SHTN1: variants seen among roughly 807,000 people sequenced by gnomAD.
SHTN1 encodes shootin-1.
In SHTN1, 42 loss-of-function variants were observed where a neutral mutation model predicts 83.1. That is an observed-to-expected ratio of 0.51 (90% confidence interval 0.39 to 0.65). The LOEUF is 0.65. Among genes scored for constraint, SHTN1 ranks in the 30% least tolerant of loss-of-function variants. The pLI, the probability that SHTN1 is intolerant of heterozygous loss-of-function variation, is 0.00. For missense variants in SHTN1, 622 were observed against 737.8 expected (o/e 0.84, Z 1.82); for synonymous variants, 224 against 247.7 (o/e 0.90, Z 0.90).
chr10:116,928,263 GAATT>G (rs752371319), intron 10 of SHTN1, among the ~76,000 whole-genome samples: 48 of 152,282 alleles, frequency 3.2e-4, no homozygotes, highest in Non-Finnish European at 4.9e-4. Flanking sequence ...TACAGACCAA[GAATT>G]AATTTTAAAG....
chr10:117,037,895 AC>A, intron 2 of SHTN1, among the ~76,000 whole-genome samples: 3 of 83,898 alleles, frequency 3.6e-5, no homozygotes, highest in Non-Finnish European at 7.0e-5. Flanking sequence ...ATTCCCAGGT[AC>A]TTGGGGAGGT....
At chr10:116,967,536 T>A (rs1850439839) in intron 3 of SHTN1, among the ~76,000 whole-genome samples, 2 of 152,232 alleles carry the variant, frequency 1.3e-5, no homozygotes. Flanking sequence ...ATCACCACCA[T>A]CAAGGCTGCA....
intron 2 of SHTN1, among the ~76,000 whole-genome samples, chr10:117,046,374 C>G (rs1215830136): frequency 6.6e-6 from 1 of 151,954 alleles, no homozygotes. Flanking sequence ...AAACAGACAA[C>G]AAGAGTTGAG....
chr10:116,924,447 A>G (rs1011241964), intron 11 of SHTN1, among the ~76,000 whole-genome samples: 1 of 135,840 alleles, frequency 7.4e-6, no homozygotes, highest in African/African-American at 3.7e-5. Context: ...GTTTATTAGC[A>G]TAAACCACCT....
rs911462711 is a variant in SHTN1 at position 116,953,973 on chromosome 10, A to G, written c.436+69T>C. 3.2e-6 allele frequency: 4 copies of G among 1,258,422 alleles called. No homozygotes were observed. The African/African-American group carries it at 4.5e-5, about 14-fold the overall frequency. The allele number at this position is 1,258,422 out of a possible 1,614,324, so 78.0% of individuals were successfully genotyped here. On this transcript the variant is annotated intron_variant, in intron 5 of 16. Coordinates refer to ENST00000355371, the MANE Select transcript of SHTN1 (RefSeq NM_001127211.3). Reference sequence around the variant, plus strand: ...AGCTTCCCACATGATTCTGATGTGCAGTCAGGGTTCAGAAGCACTATCATA... The same window carrying G: ...AGCTTCCCACATGATTCTGATGTGCGGTCAGGGTTCAGAAGCACTATCATA...
chr10:117,024,248 T>C (rs538424605), intron 2 of SHTN1, among the ~76,000 whole-genome samples: 2 of 152,170 alleles, frequency 1.3e-5, no homozygotes, highest in East Asian at 1.9e-4. Context: ...GGTCAGGGAT[T>C]GACTGAAAAA....
intron 1 of SHTN1, among the ~76,000 whole-genome samples, chr10:117,100,376 T>C (rs181042547): frequency 6.6e-6 from 1 of 152,316 alleles, no homozygotes; most frequent in East Asian, 1.9e-4. Context: ...CAGAGACTTA[T>C]GGCCCACACA....
intron 1 of SHTN1, among the ~76,000 whole-genome samples, chr10:117,125,485 T>A (rs1430493706): frequency 6.6e-6 from 1 of 152,050 alleles, no homozygotes; most frequent in Non-Finnish European, 1.5e-5. Flanking sequence ...TCGGCACCCA[T>A]CTCATCTTGT....
At chr10:117,051,471 T>C (rs1301075578) in intron 1 of SHTN1, among the ~76,000 whole-genome samples, 1 of 152,098 alleles carries the variant, frequency 6.6e-6, no homozygotes, top group East Asian at 1.9e-4. Flanking sequence ...GAAAAGAAAC[T>C]GCAGACCAAT....
intron 9 of SHTN1, among the ~76,000 whole-genome samples, chr10:116,931,041 G>T (rs1169874633): frequency 1.4e-5 from 2 of 147,816 alleles, no homozygotes; most frequent in South Asian, 4.2e-4. Context: ...TTAAACATGG[G>T]TCACTTTTGT....
intron 1 of SHTN1, among the ~76,000 whole-genome samples, chr10:117,090,167 T>C (rs1466172513): frequency 1.3e-5 from 2 of 152,180 alleles, no homozygotes; most frequent in African/African-American, 4.8e-5. Context: ...AACCCAAATG[T>C]CCATCAATAA....
chr10:117,091,185 T>C (rs1037546268), intron 1 of SHTN1, among the ~76,000 whole-genome samples: 5 of 152,238 alleles, frequency 3.3e-5, no homozygotes, highest in African/African-American at 9.6e-5. Context: ...GAAATACTCC[T>C]GAGAGTAATT....
At chr10:117,038,914 C>T (rs537904810) in intron 2 of SHTN1, among the ~76,000 whole-genome samples, 2 of 152,268 alleles carry the variant, frequency 1.3e-5, no homozygotes, top group South Asian at 4.1e-4. Flanking sequence ...ATAATACAGC[C>T]ACTTTGGAAG....
intron 1 of SHTN1, among the ~76,000 whole-genome samples, chr10:116,994,649 T>C (rs1851564816): frequency 6.6e-6 from 1 of 152,140 alleles, no homozygotes; most frequent in Non-Finnish European, 1.5e-5. Flanking sequence ...TCTACAACTA[T>C]ATGCCTTCCT....
chr10:117,095,063 G>A (rs1015970328), intron 1 of SHTN1, among the ~76,000 whole-genome samples: 2 of 152,108 alleles, frequency 1.3e-5, no homozygotes, highest in African/African-American at 4.8e-5. Flanking sequence ...GGCCTCCTTC[G>A]GGCCTTGGCT....
At chr10:117,073,008 A>T (rs534962809) in intron 1 of SHTN1, among the ~76,000 whole-genome samples, 81 of 152,340 alleles carry the variant, frequency 5.3e-4, no homozygotes, top group African/African-American at 1.7e-3. Flanking sequence ...TAGATAGCAT[A>T]AATAAAAAAA....
intron 1 of SHTN1, among the ~76,000 whole-genome samples, chr10:117,122,757 A>G (rs1472383944): frequency 6.6e-6 from 1 of 152,238 alleles, no homozygotes; most frequent in Non-Finnish European, 1.5e-5. Context: ...AGGAACAGCA[A>G]TTCCAACAGT....
At chr10:117,057,341 G>A (rs1370706554) in intron 1 of SHTN1, among the ~76,000 whole-genome samples, 1 of 152,104 alleles carries the variant, frequency 6.6e-6, no homozygotes, top group East Asian at 1.9e-4. Flanking sequence ...ACATATTCCA[G>A]GAGCAGCTTG....
chr10:116,948,726 T>C (rs1849672560), intron 7 of SHTN1, among the ~76,000 whole-genome samples, 190 bp downstream of exon 7: 1 of 152,156 alleles, frequency 6.6e-6, no homozygotes, highest in South Asian at 2.1e-4. Flanking sequence ...AAATCACTTT[T>C]AGATGTCCCC....
Sources: gnomAD v4.1 joint callset for allele counts (sites outside exome capture counted in the v4.1 genomes callset) on GRCh38, gnomAD v4.1.1 for gene constraint, MANE v1.5 for transcripts, NCBI Gene and HGNC (gene_info 2026-07-23, HGNC 2026-07-21) for gene names.